Variants in RNF182 observed in about 807,000 individuals in gnomAD.
The protein encoded by RNF182 is ring finger protein 182.
A neutral mutation model predicts 14.4 loss-of-function variants in RNF182; 15 were observed. That is an observed-to-expected ratio of 1.04 (90% CI 0.70 to 1.60). The LOEUF is 1.60. Among genes scored for constraint, RNF182 ranks in the 40% most tolerant of loss-of-function variants. RNF182 has a pLI of 0.00. For synonymous variants in RNF182, 128 were observed against 122.9 expected, an observed-to-expected ratio of 1.04 and a Z score of -0.27; for missense variants, 268 against 294.8, an observed-to-expected ratio of 0.91 and a Z score of 0.67.
chr6:13,956,113 G>A (rs754366327), intron 1 of RNF182, among the ~76,000 whole-genome samples: 2 of 152,106 alleles, frequency 1.3e-5, no homozygotes, highest in African/African-American at 4.8e-5. Context: ...TGCTGCAGAT[G>A]ACAAGATTTC....
At chr6:13,955,647 A>AT (rs1335512630) in intron 1 of RNF182, among the ~76,000 whole-genome samples, 3 of 152,194 alleles carry the variant, frequency 2.0e-5, no homozygotes, top group Non-Finnish European at 4.4e-5. Flanking sequence ...CCCTTGATGC[A>AT]TTATGTGCTC....
chr6:13,959,962 A>C (rs1031035076), intron 1 of RNF182, among the ~76,000 whole-genome samples: 2 of 151,790 alleles, frequency 1.3e-5, no homozygotes, highest in African/African-American at 2.4e-5. Context: ...GAAAGAGTGC[A>C]AGCAAGGGCT....
At chr6:13,973,166 C>T (rs1327124454) in intron 1 of RNF182, among the ~76,000 whole-genome samples, 1 of 152,138 alleles carries the variant, frequency 6.6e-6, no homozygotes, top group African/African-American at 2.4e-5. Context: ...GCCTGTAGCC[C>T]CTTTGTTTTG....
intron 1 of RNF182, chr6:13,961,442 G>A (rs1241116043): frequency 1.3e-5 from 2 of 152,134 alleles, no homozygotes; most frequent in Non-Finnish European, 2.9e-5. Flanking sequence ...CCCAAATCTC[G>A]GTCTCCTGAC....
intron 1 of RNF182, among the ~76,000 whole-genome samples, chr6:13,970,340 G>A (rs1242355064): frequency 6.6e-6 from 1 of 152,128 alleles, no homozygotes; most frequent in African/African-American, 2.4e-5. Flanking sequence ...TCCCATATGA[G>A]TGAGAACATG....
chr6:13,948,052 T>C (rs1288970601), intron 1 of RNF182, among the ~76,000 whole-genome samples: 2 of 152,212 alleles, frequency 1.3e-5, no homozygotes, highest in Non-Finnish European at 2.9e-5. Flanking sequence ...ATAAAAGTTT[T>C]CTTGACTCTG....
At chr6:13,927,549 G>T (rs1440122532) in intron 1 of RNF182, among the ~76,000 whole-genome samples, 5 of 152,120 alleles carry the variant, frequency 3.3e-5, no homozygotes, top group Admixed American at 2.6e-4. Flanking sequence ...CTACCTGAAA[G>T]AATTCTGTAA....
At chr6:13,938,377 T>C (rs1169514517) in intron 1 of RNF182, among the ~76,000 whole-genome samples, 3 of 152,016 alleles carry the variant, frequency 2.0e-5, no homozygotes, top group African/African-American at 7.2e-5. Flanking sequence ...CTTTGTGCAA[T>C]GTATGTGTTA....
intron 1 of RNF182, among the ~76,000 whole-genome samples, chr6:13,958,737 A>G (rs1221724476): frequency 6.6e-6 from 1 of 152,230 alleles, no homozygotes; most frequent in Admixed American, 6.5e-5. Context: ...GGAAGTAAAC[A>G]GAGTGCCATA....
In RNF182 at chr6:13,977,717, G is replaced by A. The variant is rs1372192122; in HGVS notation, c.598G>A (p.Gly200Arg). The A allele has an allele frequency of 6.2e-7, 1 of 1,614,106 alleles. No homozygotes were observed. Among genetic ancestry groups the A allele is most frequent in the Non-Finnish European group, 8.5e-7 (1 of 1,180,018 alleles). The stretch of plus-strand genomic sequence containing the variant: ...GCTCTACTTCAGCTCCTTACCCTTA[G>A]GAATCTACTTACTGGTGTCTAAGAA... ...GLLYFSSLPLGIYLLVSKKVT... is the reference protein window; with the variant it reads ...GLLYFSSLPLRIYLLVSKKVT... Residue 200 changes from glycine to arginine, a missense_variant, in exon 3 of 3, where the codon GGA becomes AGA. By Grantham distance (125) the Gly-to-Arg change is moderately radical (BLOSUM62 -2). Transcript: ENST00000488300.
Position 13,978,069 on chromosome 6 carries a change from A to AT in RNF182, c.*206_*207insT. 9.1e-6 allele frequency: 5 copies of AT among 548,700 alleles called. No individual in the cohort carries two copies. Among genetic ancestry groups the AT allele is most frequent in the South Asian group, 5.4e-5 (2 of 36,958 alleles). 34.0% of individuals were successfully genotyped at this position (548,700 alleles called of 1,614,324 possible). ...ACTTAGGGGTTAGCAAAATTGTATAAGCTCACACTTCATGGAGCACTGACA... is the reference window on the plus strand; with the variant it reads ...ACTTAGGGGTTAGCAAAATTGTATAATGCTCACACTTCATGGAGCACTGACA... On this transcript the variant is annotated 3_prime_UTR_variant, in exon 3 of 3. Coordinates refer to ENST00000488300, the MANE Select transcript of RNF182 (RefSeq NM_152737.4).
chr6:13,938,402 A>G (rs889725749), intron 1 of RNF182, among the ~76,000 whole-genome samples: 3 of 152,012 alleles, frequency 2.0e-5, no homozygotes, highest in African/African-American at 4.8e-5. Context: ...ATTCTTCCAC[A>G]CTGTAGCTTG....
rs550428636 is a variant in RNF182, at chr6:13,977,577, A to G, written c.458A>G (p.Tyr153Cys). 5 of 1,614,152 alleles carry G rather than the reference A, an allele frequency of 3.1e-6. No individual in the cohort carries two copies. Among genetic ancestry groups the G allele is most frequent in the Non-Finnish European group, 4.2e-6 (5 of 1,180,012 alleles). ...AGCTCCACTCCTGTGGTAGAATTTT[A>G]TAGGCCTGCGAGTTTCGACTCTGTC... ...SLSSTPVVEF[Y>C]RPASFDSVTT... The change falls in exon 3 of 3, where the codon TAT (tyrosine) becomes TGT (cysteine). Residue 153 changes from tyrosine (Y) to cysteine (C), a missense_variant. Physicochemically the swap from Tyr to Cys is radical, Grantham distance 194. Coordinates refer to ENST00000488300, the MANE Select transcript of RNF182 (RefSeq NM_152737.4).
chr6:13,966,341 CAAGT>C (rs1408585674), intron 1 of RNF182, among the ~76,000 whole-genome samples: 1 of 152,038 alleles, frequency 6.6e-6, no homozygotes, highest in Admixed American at 6.5e-5. Context: ...TCAAATAAAT[CAAGT>C]GAGGAGGAAA....
chr6:13,962,762 G>A (rs1259967210), intron 1 of RNF182, among the ~76,000 whole-genome samples: 1 of 152,072 alleles, frequency 6.6e-6, no homozygotes, highest in African/African-American at 2.4e-5. Context: ...TTTTCATAAG[G>A]GGAAAAATAT....
chr6:13,958,181 A>G (rs964186404), intron 1 of RNF182, among the ~76,000 whole-genome samples: 2 of 151,996 alleles, frequency 1.3e-5, no homozygotes, highest in South Asian at 2.1e-4. Context: ...AGGTCAAGAG[A>G]TAGAGACCAT....
At chr6:13,974,662 G>A (rs1325470640) in intron 2 of RNF182, among the ~76,000 whole-genome samples, 1 of 152,200 alleles carries the variant, frequency 6.6e-6, no homozygotes, top group Non-Finnish European at 1.5e-5. Flanking sequence ...GGTACAGAAA[G>A]TAGGAATGTG....
intron 1 of RNF182, chr6:13,949,238 C>T (rs1199531497): frequency 2.5e-6 from 2 of 788,008 alleles, no homozygotes; most frequent in South Asian, 1.3e-5. Context: ...ACGTTTTAGT[C>T]ATATTCAGAC....
chr6:13,960,860 T>C (rs1759863002), intron 1 of RNF182, among the ~76,000 whole-genome samples: 1 of 152,314 alleles, frequency 6.6e-6, no homozygotes, highest in Non-Finnish European at 1.5e-5. Context: ...TATTAAACTT[T>C]GGCCAAGGGA....
Sources: allele counts gnomAD v4.1 joint callset (sites outside exome capture counted in the v4.1 genomes callset), GRCh38; gene constraint gnomAD v4.1.1; transcripts MANE v1.5; gene names NCBI Gene and HGNC (gene_info 2026-07-23, HGNC 2026-07-21).